Variants in ABLIM1 observed in about 807,000 individuals in gnomAD.
The protein encoded by ABLIM1 is actin binding LIM protein 1, also known as actin-binding LIM protein 1.
Under a neutral mutation model 107.0 loss-of-function variants are expected in ABLIM1, and 40 were observed. The observed-to-expected ratio is 0.37, with a 90% confidence interval of 0.29 to 0.49. The LOEUF is 0.49. Ranked by LOEUF, ABLIM1 falls within the 20% of genes least tolerant of loss-of-function variation. ABLIM1 has a pLI of 0.97. For synonymous variants in ABLIM1, 357 were observed against 357.3 expected, an observed-to-expected ratio of 1.00 and a Z score of 0.01; for missense variants, 857 against 1,008.5, an observed-to-expected ratio of 0.85 and a Z score of 2.04.
the ABLIM1 span, among the ~76,000 whole-genome samples, chr10:114,793,221 G>A: frequency 6.6e-6 from 1 of 152,130 alleles, no homozygotes; most frequent in Non-Finnish European, 1.5e-5. Context: ...GGAGGTAACT[G>A]GATCAGGAGG....
intron 1 of ABLIM1, among the ~76,000 whole-genome samples, chr10:114,670,775 G>C (rs1355545552): frequency 6.6e-6 from 1 of 152,232 alleles, no homozygotes; most frequent in Non-Finnish European, 1.5e-5. Context: ...GATTATAGGC[G>C]TAAGCCTCTG....
rs190526333 is a variant in ABLIM1, at chr10:114,609,606, A to G, written c.245-7645T>C. On this transcript the variant is annotated intron_variant, in intron 1 of 22. Transcript: ENST00000533213. The stretch of plus-strand genomic sequence containing the variant: ...AATAGTTCTGATATTGATTTCAAAT[A>G]TCAAATAGCCTGAGTTGTCATCTCT... 1.1e-4 allele frequency among the ~76,000 whole-genome samples: 16 copies of G among 152,350 alleles called. No individual in the cohort carries two copies. In the East Asian group the frequency reaches 2.7e-3, roughly 26 times the overall value.
intron 6 of ABLIM1, among the ~76,000 whole-genome samples, chr10:114,543,695 G>A (rs368805412): frequency 7.9e-5 from 12 of 152,272 alleles, no homozygotes; most frequent in African/African-American, 9.6e-5. Context: ...GCTTCCTACC[G>A]CTTTTAGGGT....
At chr10:114,706,230 C>T (rs2081418065) in intron 1 of ABLIM1, among the ~76,000 whole-genome samples, 1 of 152,164 alleles carries the variant, frequency 6.6e-6, no homozygotes, top group Admixed American at 6.5e-5. Flanking sequence ...GTTGGGAAAA[C>T]TTTGGGAGTT....
chr10:114,470,847 C>CTTTT (rs10692424), intron 10 of ABLIM1, among the ~76,000 whole-genome samples: 3 of 151,558 alleles, frequency 2.0e-5, no homozygotes, highest in African/African-American at 7.3e-5. Context: ...TCTGGTTTTT[C>CTTTT]TTTTTTTCTT....
chr10:114,575,385 G>C (rs754025261), intron 3 of ABLIM1, 31 bp downstream of exon 3: 2 of 1,607,054 alleles, frequency 1.2e-6, no homozygotes, highest in Admixed American at 3.3e-5. Context: ...TTGGAGGAAG[G>C]TGTAGGCTTT....
chr10:114,718,005 A>C lies in ABLIM1; in HGVS notation c.-213+50056T>G, dbSNP rs919770634. On this transcript the variant is annotated intron_variant, in intron 1 of 15. Transcript: ENST00000651092. The stretch of plus-strand genomic sequence containing the variant: ...AAGAAAGAAAGAAAGGAAGGAAGGA[A>C]GGAAGGAAGGAAGGAAGGAAGGAAG... Among the ~76,000 whole-genome samples, 74 of 136,480 alleles carry C rather than the reference A, an allele frequency of 5.4e-4. 2 individuals carry two copies. Among genetic ancestry groups the C allele is most frequent in the African/African-American group, 1.9e-3 (69 of 35,844 alleles). The allele number at this position is 136,480 out of a possible 152,430, so 89.5% of individuals were successfully genotyped here.
At chr10:114,605,378 T>C (rs535014093) in intron 1 of ABLIM1, among the ~76,000 whole-genome samples, 1 of 152,224 alleles carries the variant, frequency 6.6e-6, no homozygotes, top group Admixed American at 6.5e-5. Context: ...ACTCCCCTTA[T>C]CTGCCAACTG....
At chr10:114,462,913 A>G in intron 12 of ABLIM1, 1 of 1,014,462 alleles carries the variant, frequency 9.9e-7, no homozygotes. Flanking sequence ...GGGTATAGTC[A>G]TGACACACGC....
chr10:114,660,174 A>G (rs1434121116), upstream of ABLIM1, among the ~76,000 whole-genome samples: 2 of 152,060 alleles, frequency 1.3e-5, no homozygotes, highest in African/African-American at 2.4e-5. Flanking sequence ...CCCAACACCA[A>G]CCTCCAAAGT....
At chr10:114,638,703 A>T (rs1338787348) in intron 1 of ABLIM1, among the ~76,000 whole-genome samples, 2 of 152,066 alleles carry the variant, frequency 1.3e-5, no homozygotes, top group Non-Finnish European at 2.9e-5. Flanking sequence ...CTCAATGTAC[A>T]TCAACAGGCA....
intron 8 of ABLIM1, among the ~76,000 whole-genome samples, chr10:114,477,392 C>T (rs2056621544): frequency 6.6e-6 from 1 of 152,120 alleles, no homozygotes; most frequent in Admixed American, 6.5e-5. Flanking sequence ...GTTGCTATGA[C>T]AAAGGCCTGT....
At position 114,456,938 on chromosome 10, in the gene ABLIM1, A is replaced by ATT. The variant is rs1180622650; in HGVS notation, c.1442-3456_1442-3455insAA. Among the ~76,000 whole-genome samples the ATT allele has an allele frequency of 1.4e-3, 207 of 151,882 alleles. 1 individual carries two copies. The highest frequency in any genetic ancestry group is 4.7e-3 in the African/African-American group (193 of 41,416). The stretch of plus-strand genomic sequence containing the variant: ...CCTCTCTAGTTGTTTTTTTTTTAAA[A>ATT]AAAAAAAAAAAACACTACTTTGTTC... On this transcript the variant is annotated intron_variant, in intron 12 of 22. Transcript: ENST00000533213.
intron 1 of ABLIM1, among the ~76,000 whole-genome samples, chr10:114,614,056 A>G (rs2076978007): frequency 6.6e-6 from 1 of 152,298 alleles, no homozygotes; most frequent in African/African-American, 2.4e-5. Flanking sequence ...TGGCTTGAAA[A>G]GAAAAAACAT....
chr10:114,460,473 C>T (rs866752397), intron 12 of ABLIM1, among the ~76,000 whole-genome samples: 3 of 152,162 alleles, frequency 2.0e-5, no homozygotes, highest in Non-Finnish European at 4.4e-5. Flanking sequence ...TGGTGGCGCA[C>T]GCCTGTAATC....
intron 14 of ABLIM1, 75 bp downstream of exon 14, chr10:114,451,549 C>G: frequency 3.6e-6 from 5 of 1,390,194 alleles, no homozygotes; most frequent in East Asian, 2.3e-5. Context: ...GCAGGAAAAG[C>G]CTTTCAGAGG....
In ABLIM1 at chr10:114,748,745, C is replaced by G. The variant is rs770289753; in HGVS notation, c.-213+19316G>C. ...GATCATAGCTCAGTGCAGCCTCAAA[C>G]TCCTAGGCTCTAGCAACCCTCCTGT... On this transcript the variant is annotated intron_variant, in intron 1 of 15. Transcript: ENST00000651092. 2.7e-5 allele frequency among the ~76,000 whole-genome samples: 4 copies of G among 149,894 alleles called. No homozygotes were observed. The East Asian group carries it at 8.1e-4, about 30-fold the overall frequency.
chr10:114,632,232 T>C (rs914939), intron 1 of ABLIM1: 985,400 of 985,420 alleles, frequency 1, 492,690 homozygotes, highest in Middle Eastern at 1. Flanking sequence ...TGCAAAATTC[T>C]ACTGTCCTAA....
intron 12 of ABLIM1, among the ~76,000 whole-genome samples, chr10:114,457,460 G>C (rs1342022363): frequency 2.6e-5 from 4 of 152,026 alleles, no homozygotes; most frequent in African/African-American, 4.8e-5. Flanking sequence ...AGTAGAGACG[G>C]GGTTTCATCA....
Sources: allele counts gnomAD v4.1 joint callset (sites outside exome capture counted in the v4.1 genomes callset), GRCh38; gene constraint gnomAD v4.1.1; transcripts MANE v1.5; gene names NCBI Gene and HGNC (gene_info 2026-07-23, HGNC 2026-07-21).